Variants in STXBP5 observed in about 807,000 individuals in gnomAD.
STXBP5 encodes the protein syntaxin-binding protein 5.
Under a neutral mutation model 152.4 loss-of-function variants are expected in STXBP5, and 50 were observed. The observed-to-expected ratio is 0.33, with a 90% CI of 0.26 to 0.42. STXBP5 has a LOEUF of 0.42. STXBP5 is among the 10% of genes least tolerant of loss of function. STXBP5 has a pLI of 1.00. For missense variants in STXBP5, 1,167 were observed against 1,388.6 expected (o/e 0.84, Z 2.54); for synonymous variants, 492 against 494.7 (o/e 0.99, Z 0.07).
chr6:147,207,228 G>A (rs1776613269), intron 2 of STXBP5, among the ~76,000 whole-genome samples: 1 of 152,082 alleles, frequency 6.6e-6, no homozygotes, highest in Admixed American at 6.5e-5. Context: ...ATATATATAT[G>A]TATAGATAGA....
Position 147,363,349 on chromosome 6 carries a change from T to A in STXBP5, c.2560T>A (p.Leu854Ile). Reference sequence around the variant, plus strand: ...CTATATTTTAGGTACTATATTGAGGTTAAAAGGTGCAATCTTGAGAATGGC... The same window carrying A: ...CTATATTTTAGGTACTATATTGAGGATAAAAGGTGCAATCTTGAGAATGGC... ...IVSPSGTILR[L>I]KGAILRMAFL... Residue 854 changes from leucine to isoleucine, a missense_variant, in exon 24 of 28, where the codon TTA (leucine) becomes ATA (isoleucine). Transcript: ENST00000321680. 1 of 1,598,102 alleles carries A rather than the reference T, an allele frequency of 6.3e-7. No individual in the cohort carries two copies. The highest frequency in any genetic ancestry group is 8.5e-7 in the Non-Finnish European group (1 of 1,174,342).
At chr6:147,288,341 C>T (rs1294135751) in intron 8 of STXBP5, among the ~76,000 whole-genome samples, 2 of 152,154 alleles carry the variant, frequency 1.3e-5, no homozygotes, top group Non-Finnish European at 2.9e-5. Context: ...TCCAAGAAAA[C>T]TTCAGTCCTC....
At chr6:147,255,771 C>T (rs1232616889) in intron 4 of STXBP5, among the ~76,000 whole-genome samples, 1 of 152,152 alleles carries the variant, frequency 6.6e-6, no homozygotes, top group Non-Finnish European at 1.5e-5. Context: ...GCCTTGGCCT[C>T]CCACAGTGCT....
At chr6:147,214,831 G>A (rs1284511943) in intron 2 of STXBP5, among the ~76,000 whole-genome samples, 1 of 152,102 alleles carries the variant, frequency 6.6e-6, no homozygotes, top group Non-Finnish European at 1.5e-5. Context: ...AAATCAGCCA[G>A]TATCCTCTCC....
chr6:147,244,987 CTT>C (rs57889304), intron 4 of STXBP5, among the ~76,000 whole-genome samples: 26 of 86,200 alleles, frequency 3.0e-4, no homozygotes, highest in East Asian at 6.0e-4. Flanking sequence ...TGCTGAGCTG[CTT>C]TTTTTTTTTT....
intron 7 of STXBP5, among the ~76,000 whole-genome samples, chr6:147,270,297 G>T (rs910091020): frequency 6.0e-5 from 9 of 151,172 alleles, no homozygotes; most frequent in Non-Finnish European, 1.5e-5. Flanking sequence ...TACTTGGGAG[G>T]CCGAGGCAGG....
intron 4 of STXBP5, among the ~76,000 whole-genome samples, chr6:147,254,268 C>G (rs142034487): frequency 0.016 from 2,383 of 152,296 alleles, 27 homozygotes; most frequent in Non-Finnish European, 0.022. Flanking sequence ...GGACCCCTTC[C>G]TTACACCTTG....
chr6:147,315,687 C>G lies in STXBP5; in HGVS notation c.1575C>G (p.Val525=), dbSNP rs550200980. 12 of 1,613,750 alleles carry G rather than the reference C, an allele frequency of 7.4e-6. No individual in the cohort carries two copies. In the African/African-American group the frequency reaches 1.6e-4, roughly 22 times the overall value. Residue 525 remains valine (V), a synonymous_variant, in exon 15 of 28, where the codon GTC becomes GTG. Transcript: ENST00000321680. ...GCATCGCTGGAGTTTCAGCTCATGT[C>G]ATTATTTATAGATTCAGCAAGCAGG... is the stretch of plus-strand genomic sequence containing the variant. The part of the protein sequence containing the change: ...MLCIAGVSAH[V]IIYRFSKQEV...
chr6:147,297,691 A>C (rs552313983), intron 9 of STXBP5, among the ~76,000 whole-genome samples: 168 of 152,308 alleles, frequency 1.1e-3, no homozygotes, highest in African/African-American at 3.8e-3. Flanking sequence ...TATAACAAAA[A>C]TGTTACTTTG....
Position 147,212,438 on chromosome 6 carries a change from T to G in STXBP5, c.248+6370T>G, listed in dbSNP as rs144240582. 2.5e-3 allele frequency among the ~76,000 whole-genome samples: 381 copies of G among 152,352 alleles called. 2 individuals carry two copies. Among genetic ancestry groups the G allele is most frequent in the African/African-American group, 8.5e-3 (353 of 41,580 alleles). On this transcript the variant is annotated intron_variant, in intron 2 of 27. Transcript: ENST00000321680. ...GAATTGCCTTATTATTAGGAGATTCTTGTTCCAATAATCTTCAGACTTACC... is the reference window on the plus strand; with the variant it reads ...GAATTGCCTTATTATTAGGAGATTCGTGTTCCAATAATCTTCAGACTTACC...
At chr6:147,273,390 T>A (rs1352288434) in intron 7 of STXBP5, among the ~76,000 whole-genome samples, 1 of 152,032 alleles carries the variant, frequency 6.6e-6, no homozygotes, top group African/African-American at 2.4e-5. Context: ...ATATTCCTTT[T>A]GTAGTAATCA....
intron 27 of STXBP5, 98 bp from the exon 28 acceptor site, chr6:147,384,616 C>A: frequency 8.2e-7 from 1 of 1,221,134 alleles, no homozygotes; most frequent in Non-Finnish European, 1.2e-6. Context: ...CAGAATATTG[C>A]AGAATGACAT....
chr6:147,213,477 T>TGTGTGTGTGTGTGTGTGTGTGCGC lies in STXBP5; in HGVS notation c.248+7410_248+7411insTGTGTGTGTGTGTGTGTGTGCGCG. On this transcript the variant is annotated intron_variant, in intron 2 of 27. Transcript: ENST00000321680. Reference sequence around the variant, plus strand: ...GTGTGTGTGTGTGTGTGTGTGTGTGTGCGCGCGCATATATATATTTTTTCT... The same window carrying TGTGTGTGTGTGTGTGTGTGTGCGC: ...GTGTGTGTGTGTGTGTGTGTGTGTGTGTGTGTGTGTGTGTGTGTGTGCGCGCGCGCGCATATATATATTTTTTCT... 1.5e-3 allele frequency among the ~76,000 whole-genome samples: 196 copies of TGTGTGTGTGTGTGTGTGTGTGCGC among 131,276 alleles called. 2 individuals carry two copies. The highest frequency in any genetic ancestry group is 5.8e-3 in the African/African-American group (183 of 31,314). The allele number at this position is 131,276 out of a possible 152,430, so 86.1% of individuals were successfully genotyped here.
chr6:147,315,722 C>T lies in STXBP5; in HGVS notation c.1610C>T (p.Thr537Ile). The change falls in exon 15 of 28, where the codon ACA (threonine) becomes ATA (isoleucine). Residue 537 changes from threonine to isoleucine, a missense_variant. Coordinates refer to ENST00000321680, the MANE Select transcript of STXBP5 (RefSeq NM_001127715.4). Reference sequence around the variant, plus strand: ...AGATTCAGCAAGCAGGAAGTAATCACAGAAGTCATTCCGGTAATAACGTCT... The same window carrying T: ...AGATTCAGCAAGCAGGAAGTAATCATAGAAGTCATTCCGGTAATAACGTCT... ...IYRFSKQEVI[T>I]EVIPMLEVRL... 6.2e-7 allele frequency: 1 copy of T among 1,612,914 alleles called. No individual in the cohort carries two copies. The highest frequency in any genetic ancestry group is 8.5e-7 in the Non-Finnish European group (1 of 1,179,054).
chr6:147,272,736 T>C (rs894193454), intron 7 of STXBP5, among the ~76,000 whole-genome samples: 17 of 152,212 alleles, frequency 1.1e-4, no homozygotes, highest in South Asian at 4.1e-4. Flanking sequence ...TTTAGAACAT[T>C]TCTAATATAA....
intron 21 of STXBP5, among the ~76,000 whole-genome samples, chr6:147,339,680 A>G (rs1784002378): frequency 6.6e-6 from 1 of 152,098 alleles, no homozygotes; most frequent in East Asian, 1.9e-4. Context: ...ACACAATTTT[A>G]TACTCCGAAG....
intron 25 of STXBP5, among the ~76,000 whole-genome samples, chr6:147,366,992 A>T (rs1447120224): frequency 6.6e-6 from 1 of 152,226 alleles, no homozygotes; most frequent in Non-Finnish European, 1.5e-5. Flanking sequence ...AGCCATCATG[A>T]GGAGAACAAT....
At chr6:147,256,469 G>T (rs1009795326) in intron 4 of STXBP5, among the ~76,000 whole-genome samples, 1 of 152,124 alleles carries the variant, frequency 6.6e-6, no homozygotes, top group Non-Finnish European at 1.5e-5. Context: ...ACCAAATCCT[G>T]CACACTGTGT....
At chr6:147,324,175 A>G (rs182981265) in intron 16 of STXBP5, among the ~76,000 whole-genome samples, 123 of 139,128 alleles carry the variant, frequency 8.8e-4, no homozygotes, top group Middle Eastern at 9.4e-3. Flanking sequence ...AATTGCTCAT[A>G]TTTGTTGTAA....
Sources: allele counts gnomAD v4.1 joint callset (sites outside exome capture counted in the v4.1 genomes callset), GRCh38; gene constraint gnomAD v4.1.1; transcripts MANE v1.5; gene names NCBI Gene and HGNC (gene_info 2026-07-23, HGNC 2026-07-21).